FSTL3: variants seen among roughly 807,000 people sequenced by gnomAD.
FSTL3 encodes the protein follistatin like 3.
In FSTL3, 21 loss-of-function variants were observed where a neutral mutation model predicts 28.1. The ratio of observed to expected loss-of-function variants is 0.75; its 90% confidence interval spans 0.53 to 1.08. FSTL3 has a LOEUF of 1.08. Among genes scored for constraint, FSTL3 ranks in the 50% least tolerant of loss-of-function variants. FSTL3 has a pLI of 0.00. For synonymous variants in FSTL3, 199 were observed against 164.2 expected (o/e 1.21, Z -1.62); for missense variants, 400 against 380.9 (o/e 1.05, Z -0.42).
rs1051856123 is a variant in FSTL3, at chr19:682,842, G to T, written c.*1134G>T. On this transcript the variant is annotated 3_prime_UTR_variant, in exon 5 of 5. Coordinates refer to ENST00000166139, the MANE Select transcript of FSTL3 (RefSeq NM_005860.3). ...CACTGCTCACCCACTGGCCCCGAGGGGGGTGTAGACGCCAAGACTCACGCA... is the reference window on the plus strand; with the variant it reads ...CACTGCTCACCCACTGGCCCCGAGGTGGGTGTAGACGCCAAGACTCACGCA... The T allele has an allele frequency of 4.3e-5, 10 of 232,864 alleles. No homozygotes were observed. Among genetic ancestry groups the T allele is most frequent in the Non-Finnish European group, 5.1e-5 (6 of 117,872 alleles). The allele number at this position is 232,864 out of a possible 1,614,324, so 14.4% of individuals were successfully genotyped here. A position where few individuals can be genotyped will look rare whatever the true frequency, so the allele number is the denominator to read the frequency against.
rs1450319465 is a variant in FSTL3 at position 680,301 on chromosome 19, C to T, written c.317C>T (p.Pro106Leu). 8.5e-6 allele frequency: 11 copies of T among 1,301,510 alleles called. No individual in the cohort carries two copies. The South Asian group carries it at 1.3e-4, about 15-fold the overall frequency. The allele number at this position is 1,301,510 out of a possible 1,614,324, so 80.6% of individuals were successfully genotyped here. ...TCGTGCGACGGCGTGGAGTGCGGCCCGGGCAAGGCGTGCCGCATGCTGGGG... is the reference window on the plus strand; with the variant it reads ...TCGTGCGACGGCGTGGAGTGCGGCCTGGGCAAGGCGTGCCGCATGCTGGGG... The part of the protein sequence containing the change: ...KDSCDGVECG[P>L]GKACRMLGGR... The change falls in exon 3 of 5, where the codon CCG becomes CTG. Residue 106 changes from proline (P) to leucine (L), a missense_variant. Physicochemically the swap from Pro to Leu is moderately conservative, Grantham distance 98. Transcript: ENST00000166139.
In FSTL3 at chr19:681,736, C is replaced by T; in HGVS notation, c.*28C>T. ...CTGCAGGACAGGCCTGGGCCTGGTG[C>T]CCGAGGCCCCCCATCATCCCCTGTT... On this transcript the variant is annotated 3_prime_UTR_variant, in exon 5 of 5. Coordinates refer to ENST00000166139, the MANE Select transcript of FSTL3 (RefSeq NM_005860.3). 6.6e-7 allele frequency: 1 copy of T among 1,526,468 alleles called. No homozygotes were observed. The highest frequency in any genetic ancestry group is 8.9e-7 in the Non-Finnish European group (1 of 1,126,528). The allele number at this position is 1,526,468 out of a possible 1,614,324, so 94.6% of individuals were successfully genotyped here.
chr19:677,696 C>A, intron 1 of FSTL3, 96 bp from the exon 2 acceptor site: 1 of 1,204,392 alleles, frequency 8.3e-7, no homozygotes, highest in Non-Finnish European at 1.1e-6. Flanking sequence ...TCATTCCGTG[C>A]GTAACTACTC....
At chr19:677,266 G>A (rs930706152) in intron 1 of FSTL3, among the ~76,000 whole-genome samples, 4 of 146,096 alleles carry the variant, frequency 2.7e-5, no homozygotes, top group South Asian at 2.4e-4. Flanking sequence ...CCCCCTCCCC[G>A]AAGGCCACGT....
At chr19:681,232 G>A in intron 3 of FSTL3, 101 bp from the exon 4 acceptor site, 1 of 798,686 alleles carries the variant, frequency 1.3e-6, no homozygotes, top group Non-Finnish European at 1.9e-6. Flanking sequence ...CTACCAGAGG[G>A]TTTTCGCATC....
chr19:680,314 C>T lies in FSTL3; in HGVS notation c.330C>T (p.Cys110=). 4 of 1,290,270 alleles carry T rather than the reference C, an allele frequency of 3.1e-6. No individual in the cohort carries two copies. Among genetic ancestry groups the T allele is most frequent in the South Asian group, 2.3e-5 (1 of 42,568 alleles). 79.9% of individuals were successfully genotyped at this position (1,290,270 alleles called of 1,614,324 possible). The change falls in exon 3 of 5, where the codon TGC becomes TGT. Residue 110 remains cysteine, a synonymous_variant. Coordinates refer to ENST00000166139, the MANE Select transcript of FSTL3 (RefSeq NM_005860.3). ...DGVECGPGKA[C]RMLGGRPRCE... Reference sequence around the variant, plus strand: ...TGGAGTGCGGCCCGGGCAAGGCGTGCCGCATGCTGGGGGGCCGCCCGCGCT... The same window carrying T: ...TGGAGTGCGGCCCGGGCAAGGCGTGTCGCATGCTGGGGGGCCGCCCGCGCT...
In FSTL3 at chr19:682,868, T is replaced by C. The variant is rs541604339; in HGVS notation, c.*1160T>C. On this transcript the variant is annotated 3_prime_UTR_variant, in exon 5 of 5. Transcript: ENST00000166139. ...GGGTGTAGACGCCAAGACTCACGCA[T>C]GTGTGACATCCGGAGTCCTGGAGCC... is the stretch of plus-strand genomic sequence containing the variant. 33 of 232,422 alleles carry C rather than the reference T, an allele frequency of 1.4e-4. No homozygotes were observed. Among genetic ancestry groups the C allele is most frequent in the African/African-American group, 6.2e-4 (28 of 45,262 alleles). The allele number at this position is 232,422 out of a possible 1,614,324, so 14.4% of individuals were successfully genotyped here. A position where few individuals can be genotyped will look rare whatever the true frequency, so the allele number is the denominator to read the frequency against.
In FSTL3 at chr19:676,621, CGGCGGG is replaced by C. The variant is rs555646167; in HGVS notation, c.103+100_103+105del. 1,040 of 333,800 alleles carry C rather than the reference CGGCGGG, an allele frequency of 3.1e-3. 13 individuals carry two copies. The highest frequency in any genetic ancestry group is 0.022 in the African/African-American group (988 of 44,926). 20.7% of individuals were successfully genotyped at this position (333,800 alleles called of 1,614,324 possible). Reference sequence around the variant, plus strand: ...GGGACGTCGGGGGGCGCGGCGGCGGCGGCGGGGGCGAGGGCGGTGTCCGGCGCAAGC... The same window carrying C: ...GGGACGTCGGGGGGCGCGGCGGCGGCGGCGAGGGCGGTGTCCGGCGCAAGC... On this transcript the variant is annotated intron_variant, in intron 1 of 4. Coordinates refer to ENST00000166139, the MANE Select transcript of FSTL3 (RefSeq NM_005860.3).
At chr19:678,818 G>A (rs1218693099) in intron 2 of FSTL3, among the ~76,000 whole-genome samples, 2 of 152,092 alleles carry the variant, frequency 1.3e-5, no homozygotes, top group Non-Finnish European at 2.9e-5. Context: ...GCCTGTTGGG[G>A]CACATCTTGA....
rs987224925 is a variant in FSTL3, at chr19:678,147, C to G, written c.289+170C>G. 9 of 634,860 alleles carry G rather than the reference C, an allele frequency of 1.4e-5. No homozygotes were observed. The African/African-American group carries it at 1.5e-4, about 10-fold the overall frequency. The allele number at this position is 634,860 out of a possible 1,614,324, so 39.3% of individuals were successfully genotyped here. A position where few individuals can be genotyped will look rare whatever the true frequency, so the allele number is the denominator to read the frequency against. ...GGGACTGGGGGGACTTCCCGGTTCCCAGGCTCCAGCCTCTTGCAGCTCAGG... is the reference window on the plus strand; with the variant it reads ...GGGACTGGGGGGACTTCCCGGTTCCGAGGCTCCAGCCTCTTGCAGCTCAGG... On this transcript the variant is annotated intron_variant, in intron 2 of 4. Transcript: ENST00000166139.
intron 2 of FSTL3, 84 bp from the exon 3 acceptor site, chr19:680,190 A>G: frequency 1.2e-6 from 1 of 842,314 alleles, no homozygotes; most frequent in Non-Finnish European, 1.6e-6. Flanking sequence ...GAAGGGGCGC[A>G]GGGAGGGGCC....
In FSTL3 at chr19:681,947, C is replaced by T; in HGVS notation, c.*239C>T. On this transcript the variant is annotated 3_prime_UTR_variant, in exon 5 of 5. Coordinates refer to ENST00000166139, the MANE Select transcript of FSTL3 (RefSeq NM_005860.3). ...GGACACTGAGCGCCTGATTTAGGGC[C>T]CTTCTCTAGGATGCCCCAGCCCCTA... The T allele has an allele frequency of 1.7e-6, 1 of 585,414 alleles. No individual in the cohort carries two copies. The allele number at this position is 585,414 out of a possible 1,614,324, so 36.3% of individuals were successfully genotyped here.
chr19:680,347 C>T lies in FSTL3; in HGVS notation c.363C>T (p.Cys121=). The change falls in exon 3 of 5, where the codon TGC becomes TGT. Residue 121 remains cysteine, a synonymous_variant. Transcript: ENST00000166139. ...RMLGGRPRCE[C]APDCSGLPAR... is the part of the protein sequence containing the mutation. ...TGGGGGGCCGCCCGCGCTGCGAGTG[C>T]GCGCCCGACTGCTCGGGGCTCCCGG... 2 of 1,277,852 alleles carry T rather than the reference C, an allele frequency of 1.6e-6. No homozygotes were observed. Among genetic ancestry groups the T allele is most frequent in the Non-Finnish European group, 2.0e-6 (2 of 1,015,680 alleles). The allele number at this position is 1,277,852 out of a possible 1,614,324, so 79.2% of individuals were successfully genotyped here.
In FSTL3 at chr19:682,643, G is replaced by A. The variant is rs1303593634; in HGVS notation, c.*935G>A. 1.3e-5 allele frequency: 3 copies of A among 233,392 alleles called. No individual in the cohort carries two copies. Among genetic ancestry groups the A allele is most frequent in the African/African-American group, 4.4e-5 (2 of 45,350 alleles). 14.5% of individuals were successfully genotyped at this position (233,392 alleles called of 1,614,324 possible). A position where few individuals can be genotyped will look rare whatever the true frequency, so the allele number is the denominator to read the frequency against. ...AGGGCACGGCCTGTGCTCCTGACAC[G>A]GGCTGTGCTTGGCCACAGAACCACC... On this transcript the variant is annotated 3_prime_UTR_variant, in exon 5 of 5. Coordinates refer to ENST00000166139, the MANE Select transcript of FSTL3 (RefSeq NM_005860.3).
intron 2 of FSTL3, 88 bp downstream of exon 2, chr19:678,065 G>T (rs2031249067): frequency 7.8e-7 from 1 of 1,276,926 alleles, no homozygotes; most frequent in African/African-American, 1.5e-5. Flanking sequence ...AACGTCCAGG[G>T]ACTGAGCCCG....
intron 2 of FSTL3, among the ~76,000 whole-genome samples, chr19:678,445 G>A (rs1402157837): frequency 1.3e-5 from 2 of 150,692 alleles, no homozygotes; most frequent in Non-Finnish European, 3.0e-5. Flanking sequence ...GGGGCTCTTG[G>A]TTGGCGAGTG....
At chr19:681,055 C>T (rs948131727) in intron 3 of FSTL3, among the ~76,000 whole-genome samples, 2 of 133,942 alleles carry the variant, frequency 1.5e-5, no homozygotes, top group Non-Finnish European at 3.3e-5. Flanking sequence ...TTTGGGTGGG[C>T]GGCCCCGCAG....
At chr19:677,401 C>T (rs919231654) in intron 1 of FSTL3, among the ~76,000 whole-genome samples, 2 of 152,066 alleles carry the variant, frequency 1.3e-5, no homozygotes, top group Admixed American at 1.3e-4. Flanking sequence ...CGGGTGCTGT[C>T]TAGACAGAGG....
At chr19:676,914 T>A (rs1276831160) in intron 1 of FSTL3, among the ~76,000 whole-genome samples, 2 of 152,110 alleles carry the variant, frequency 1.3e-5, no homozygotes, top group South Asian at 4.2e-4. Flanking sequence ...CGAGAGGTAG[T>A]GCTGGGTGTC....
Sources: gnomAD v4.1 joint callset for allele counts (sites outside exome capture counted in the v4.1 genomes callset) on GRCh38, gnomAD v4.1.1 for gene constraint, MANE v1.5 for transcripts, NCBI Gene and HGNC (gene_info 2026-07-23, HGNC 2026-07-21) for gene names.